The following GOLGA8S variants were observed in gnomAD, a reference collection of about 807,000 sequenced individuals.
GOLGA8S encodes the protein golgin subfamily A member 8S.
Under a neutral mutation model 58.9 loss-of-function variants are expected in GOLGA8S, and 23 were observed. The observed-to-expected ratio is 0.39, with a 90% CI of 0.28 to 0.55. The LOEUF (loss-of-function observed/expected upper bound fraction) is 0.55. GOLGA8S is among the 20% of genes least tolerant of loss of function. GOLGA8S has a pLI of 0.63. For synonymous variants in GOLGA8S, 84 were observed against 195.7 expected, an observed-to-expected ratio of 0.43 and a Z score of 4.76; for missense variants, 266 against 514.2, an observed-to-expected ratio of 0.52 and a Z score of 4.67.
chr15:23,367,711 C>T (rs1261494840), downstream of GOLGA8S, among the ~76,000 whole-genome samples: 15 of 151,698 alleles, frequency 9.9e-5, no homozygotes, highest in East Asian at 2.3e-3. Context: ...CTTCCTCATT[C>T]GGTATAAGGC....
rs552225055 is a variant in GOLGA8S at position 23,361,237 on chromosome 15, G to A, written c.891G>A (p.Pro297=). The change falls in exon 12 of 19, where the codon CCG becomes CCA. Residue 297 remains proline, a synonymous_variant. Coordinates refer to ENST00000562295, the Ensembl canonical transcript of GOLGA8S. Reference sequence around the variant, plus strand: ...CTTTCTCAGCTGAACCTCTGCCCCCGGAGCCCCCAGCAGTGCCCTCTGAGG... The same window carrying A: ...CTTTCTCAGCTGAACCTCTGCCCCCAGAGCCCCCAGCAGTGCCCTCTGAGG... The A allele has an allele frequency of 5.8e-4, 859 of 1,485,898 alleles. 23 individuals are homozygous for A. The highest frequency in any genetic ancestry group is 4.6e-3 in the South Asian group (402 of 87,212). 92.0% of individuals were successfully genotyped at this position (1,485,898 alleles called of 1,614,324 possible).
In GOLGA8S at chr15:23,360,675, G is replaced by C. The variant is rs1596016272; in HGVS notation, c.787-53G>C. On this transcript the variant is annotated intron_variant, in intron 10 of 18. Coordinates refer to ENST00000562295, the Ensembl canonical transcript of GOLGA8S. ...GGGGCAGAGAGGGAGAGGGCAGCCT[G>C]TCCAGCCTCCAGCCCCTCTCTCCAG... The C allele has an allele frequency of 3.3e-6, 4 of 1,207,038 alleles. No homozygotes were observed. In the East Asian group the frequency reaches 9.3e-5, roughly 28 times the overall value. 74.8% of individuals were successfully genotyped at this position (1,207,038 alleles called of 1,614,324 possible).
At position 23,365,106 on chromosome 15, in the gene GOLGA8S, G is replaced by A. The variant is rs755133793; in HGVS notation, c.1850G>A (p.Trp617Ter). The A allele has an allele frequency of 1.8e-4, 278 of 1,587,160 alleles. 24 individuals carry two copies. Among genetic ancestry groups the A allele is most frequent in the Non-Finnish European group, 2.3e-4 (267 of 1,170,258 alleles). Residue 617 changes from tryptophan (W) to a stop codon, truncating the protein, a stop_gained, in exon 19 of 19, where the codon TGG becomes TAG. Transcript: ENST00000562295. LOFTEE classifies it high-confidence loss of function. ...AACTGCTGTGTGCCATTCTTTTGCT[G>A]GGCTTGGCTGCCAAGAAGAAGGAGA...
chr15:23,358,016 T>A lies in GOLGA8S; in HGVS notation c.309+397T>A, dbSNP rs550245347. Among the ~76,000 whole-genome samples, 8 of 150,336 alleles carry A rather than the reference T, an allele frequency of 5.3e-5. No homozygotes were observed. In the South Asian group the frequency reaches 1.5e-3, roughly 28 times the overall value. ...TGAAGTAGTGAGTATCAAAGGTCTCTGTTAGCTCTCGAGTCTGAGATTTAA... is the reference window on the plus strand; with the variant it reads ...TGAAGTAGTGAGTATCAAAGGTCTCAGTTAGCTCTCGAGTCTGAGATTTAA... On this transcript the variant is annotated intron_variant, in intron 4 of 18. Transcript: ENST00000562295.
At chr15:23,364,226 A>T (rs1327964692) in intron 15 of GOLGA8S, 117 bp from the exon 16 acceptor site, 66 of 1,507,290 alleles carry the variant, frequency 4.4e-5, no homozygotes, top group Non-Finnish European at 5.7e-5. Context: ...TGGGCCCTGC[A>T]GGAAGTCACG....
Position 23,360,645 on chromosome 15 carries a change from A to C in GOLGA8S, c.787-83A>C, listed in dbSNP as rs535595042. The C allele has an allele frequency of 6.9e-3, 8,660 of 1,246,836 alleles. 373 individuals are homozygous for C. The highest frequency in any genetic ancestry group is 9.1e-3 in the Non-Finnish European group (7,748 of 850,116). 77.2% of individuals were successfully genotyped at this position (1,246,836 alleles called of 1,614,324 possible). ...GTGGTCATGGGACTGGGCTTTGTGG[A>C]GGTGGGGGCAGAGAGGGAGAGGGCA... On this transcript the variant is annotated intron_variant, in intron 10 of 18. Coordinates refer to ENST00000562295, the Ensembl canonical transcript of GOLGA8S.
intron 8 of GOLGA8S, among the ~76,000 whole-genome samples, chr15:23,359,973 C>G (rs1228425248): frequency 6.7e-6 from 1 of 149,516 alleles, no homozygotes; most frequent in Non-Finnish European, 1.5e-5. Flanking sequence ...CATAAAAGTT[C>G]AAACAGTGGT....
At chr15:23,364,028 G>C (rs1457511216) in intron 15 of GOLGA8S, among the ~76,000 whole-genome samples, 1 of 137,218 alleles carries the variant, frequency 7.3e-6, no homozygotes, top group African/African-American at 2.6e-5. Flanking sequence ...CCCTCAGGTG[G>C]CATTTTTCAA....
At position 23,360,849 on chromosome 15, in the gene GOLGA8S, C is replaced by T. The variant is rs781755495; in HGVS notation, c.874+34C>T. Reference sequence around the variant, plus strand: ...GGGCTGGCGTGACCTGGCAGCAGGACTGGCATCAGAGGGCTGTGAGGGTGG... The same window carrying T: ...GGGCTGGCGTGACCTGGCAGCAGGATTGGCATCAGAGGGCTGTGAGGGTGG... On this transcript the variant is annotated intron_variant, in intron 11 of 18. Transcript: ENST00000562295. The T allele has an allele frequency of 1.6e-6, 2 of 1,246,036 alleles. 1 individual carries two copies. 77.2% of individuals were successfully genotyped at this position (1,246,036 alleles called of 1,614,324 possible).
At chr15:23,361,107 A>T in intron 11 of GOLGA8S, 114 bp from the exon 12 acceptor site, 1 of 994,340 alleles carries the variant, frequency 1.0e-6, no homozygotes, top group Middle Eastern at 3.3e-4. Context: ...GAGGAGCCGG[A>T]GAGGAGCTGT....
chr15:23,359,901 G>A lies in GOLGA8S; in HGVS notation c.592-331G>A, dbSNP rs1364445685. The stretch of plus-strand genomic sequence containing the variant: ...CACAATAGAGGTCATCATAGTAACT[G>A]TCTCCCATGGTGGTTGTGAGGATTA... On this transcript the variant is annotated intron_variant, in intron 8 of 18. Coordinates refer to ENST00000562295, the Ensembl canonical transcript of GOLGA8S. 1.3e-5 allele frequency among the ~76,000 whole-genome samples: 2 copies of A among 148,264 alleles called. 1 individual carries two copies. Among genetic ancestry groups the A allele is most frequent in the Non-Finnish European group, 3.0e-5 (2 of 67,148 alleles).
downstream of GOLGA8S, among the ~76,000 whole-genome samples, chr15:23,367,823 G>A (rs1415131680): frequency 6.6e-6 from 1 of 151,568 alleles, no homozygotes; most frequent in African/African-American, 2.4e-5. Context: ...AATTTCTGTA[G>A]GAAGAATCAA....
At chr15:23,366,360 T>C (rs958138009), downstream of GOLGA8S, 1 of 151,468 alleles carries the variant, frequency 6.6e-6, no homozygotes, top group Admixed American at 6.6e-5. Context: ...AATTTACTTC[T>C]TTTTCCTTGA....
At chr15:23,365,463 G>A (rs879243374), downstream of GOLGA8S, 98 of 438,242 alleles carry the variant, frequency 2.2e-4, 1 homozygote, top group Non-Finnish European at 3.7e-4. Flanking sequence ...AACTGTTCTC[G>A]CTGGTTTGGA....
intron 1 of GOLGA8S, among the ~76,000 whole-genome samples, chr15:23,355,406 C>CG (rs1370483118): frequency 1.1e-5 from 1 of 90,836 alleles, no homozygotes; most frequent in African/African-American, 3.4e-5. Context: ...TATCATGGAG[C>CG]GGTGACTCGG....
chr15:23,360,627 T>C lies in GOLGA8S; in HGVS notation c.786+95T>C, dbSNP rs1353100289. On this transcript the variant is annotated intron_variant, in intron 10 of 18. Transcript: ENST00000562295. ...GGAATAGTAGAGCCAGAGGTGGTCA[T>C]GGGACTGGGCTTTGTGGAGGTGGGG... 17 of 1,271,838 alleles carry C rather than the reference T, an allele frequency of 1.3e-5. 2 individuals carry two copies. Among genetic ancestry groups the C allele is most frequent in the Non-Finnish European group, 1.9e-5 (17 of 872,710 alleles). 78.8% of individuals were successfully genotyped at this position (1,271,838 alleles called of 1,614,324 possible). A position where few individuals can be genotyped will look rare whatever the true frequency, so the allele number is the denominator to read the frequency against.
At position 23,364,333 on chromosome 15, in the gene GOLGA8S, T is replaced by G; in HGVS notation, c.1348-10T>G. 6.2e-7 allele frequency: 1 copy of G among 1,601,034 alleles called. No homozygotes were observed. The highest frequency in any genetic ancestry group is 8.5e-7 in the Non-Finnish European group (1 of 1,179,014). On this transcript the variant is annotated splice_polypyrimidine_tract_variant and intron_variant, in intron 15 of 18. Coordinates refer to ENST00000562295, the Ensembl canonical transcript of GOLGA8S. ...GCTGCCGAGATGTGACTACAATATT[T>G]TGGCTCCAGAGCAGCTTTATGGACC...
At chr15:23,365,980 A>G (rs1335150282), downstream of GOLGA8S, 1 of 151,236 alleles carries the variant, frequency 6.6e-6, no homozygotes, top group South Asian at 2.2e-4. Flanking sequence ...AAAGGTTCCC[A>G]TCGTTGACTG....
exon 12 of GOLGA8S, chr15:23,361,377 G>A (rs2880955): frequency 0.071 from 77,539 of 1,099,720 alleles, 3,690 homozygotes; most frequent in Non-Finnish European, 0.08. Flanking sequence ...GAGAGGCTTC[G>A]GGAGCAGCAG....
Sources: gnomAD v4.1 joint callset for allele counts (sites outside exome capture counted in the v4.1 genomes callset) on GRCh38, gnomAD v4.1.1 for gene constraint, MANE v1.5 for transcripts, NCBI Gene and HGNC (gene_info 2026-07-23, HGNC 2026-07-21) for gene names.